RAP1GAP: variants seen among roughly 807,000 people sequenced by gnomAD.
RAP1GAP encodes the protein rap1 GTPase-activating protein 1.
In RAP1GAP, 35 loss-of-function variants were observed where a neutral mutation model predicts 87.2. The ratio of observed to expected loss-of-function variants is 0.40; its 90% CI spans 0.31 to 0.53. RAP1GAP has a LOEUF of 0.53. Among genes scored for constraint, RAP1GAP ranks in the 20% least tolerant of loss-of-function variants. The pLI is 0.48. For missense variants in RAP1GAP, 734 were observed against 898.9 expected (o/e 0.82, Z 2.35); for synonymous variants, 375 against 363.9 (o/e 1.03, Z -0.35).
chr1:21,608,735 G>A, intron 16 of RAP1GAP, 115 bp downstream of exon 16: 1 of 1,017,328 alleles, frequency 9.8e-7, no homozygotes, highest in Non-Finnish European at 1.5e-6. Context: ...CCAGCCCCAG[G>A]TGTCCCCGCT....
At chr1:21,618,595 C>T (rs1300947697) in intron 5 of RAP1GAP, among the ~76,000 whole-genome samples, 1 of 148,810 alleles carries the variant, frequency 6.7e-6, no homozygotes, top group Non-Finnish European at 1.5e-5. Flanking sequence ...CAGACAGCAG[C>T]TTATGGAGCA....
chr1:21,601,363 C>A lies in RAP1GAP; in HGVS notation c.1652+321G>T, dbSNP rs12759638. 2.7e-5 allele frequency among the ~76,000 whole-genome samples: 4 copies of A among 150,024 alleles called. No homozygotes were observed. In the East Asian group the frequency reaches 7.7e-4, roughly 29 times the overall value. On this transcript the variant is annotated intron_variant, in intron 20 of 24. Coordinates refer to ENST00000374765, the MANE Select transcript of RAP1GAP (RefSeq NM_002885.4). ...ACCTCTGCCCCCAGTCCCTCTTCAT[C>A]CCCCCAACCCTGCTTCGGGTTCCTC... is the stretch of plus-strand genomic sequence containing the variant.
At chr1:21,620,181 G>C in intron 3 of RAP1GAP, 131 bp from the exon 4 acceptor site, 1 of 879,144 alleles carries the variant, frequency 1.1e-6, no homozygotes, top group East Asian at 2.6e-5. Flanking sequence ...GTAGCAAGCG[G>C]GAGTGACGGG....
chr1:21,633,627 C>A (rs9426773), intron 2 of RAP1GAP, among the ~76,000 whole-genome samples: 45,621 of 151,464 alleles, frequency 0.3, 7,931 homozygotes, highest in Middle Eastern at 0.4. Flanking sequence ...GCTGGGAGAC[C>A]GGACACGGAA....
At position 21,608,841 on chromosome 1, in the gene RAP1GAP, C is replaced by A; in HGVS notation, c.1158+9G>T. ...AGAGGGTCACCCAGCCCTCACAGCC[C>A]ATCCTCACCTCCAGTTTGGCAAACT... is the stretch of plus-strand genomic sequence containing the variant. On this transcript the variant is annotated intron_variant, in intron 16 of 24. Transcript: ENST00000374765. The A allele has an allele frequency of 6.2e-7, 1 of 1,611,598 alleles. No individual in the cohort carries two copies. The highest frequency in any genetic ancestry group is 1.1e-5 in the South Asian group (1 of 91,004).
At chr1:21,651,660 C>T (rs1009394236) in intron 1 of RAP1GAP, 9 of 1,049,324 alleles carry the variant, frequency 8.6e-6, no homozygotes, top group African/African-American at 3.2e-5. Context: ...TCAGCCCCCA[C>T]AGCAGTCATA....
chr1:21,601,660 G>A, intron 20 of RAP1GAP, 24 bp downstream of exon 20: 1 of 1,551,830 alleles, frequency 6.4e-7, no homozygotes, highest in Non-Finnish European at 8.8e-7. Flanking sequence ...AAGCCCCCAA[G>A]CCCCACGTGC....
In RAP1GAP at chr1:21,613,130, A is replaced by C. The variant is rs2079502213; in HGVS notation, c.528+46T>G. The C allele has an allele frequency of 6.6e-7, 1 of 1,514,050 alleles. No individual in the cohort carries two copies. The highest frequency in any genetic ancestry group is 1.4e-5 in the African/African-American group (1 of 72,612). The allele number at this position is 1,514,050 out of a possible 1,614,324, so 93.8% of individuals were successfully genotyped here. A position where few individuals can be genotyped will look rare whatever the true frequency, so the allele number is the denominator to read the frequency against. ...GTGCTTAATAAATGCTCAGTCTTCC[A>C]GTTACTCACCCACCCTCAGTGAGCT... On this transcript the variant is annotated intron_variant, in intron 10 of 24. Coordinates refer to ENST00000374765, the MANE Select transcript of RAP1GAP (RefSeq NM_002885.4). This position sits in a 1 kb window ranked among gnomAD's most constrained non-coding sequence, Gnocchi z 4.7.
chr1:21,650,876 G>C (rs1287201298), intron 1 of RAP1GAP, among the ~76,000 whole-genome samples: 1 of 143,904 alleles, frequency 6.9e-6, no homozygotes, highest in African/African-American at 2.5e-5. Context: ...GCGTCCACAA[G>C]GGGAAGGCAG....
intron 1 of RAP1GAP, among the ~76,000 whole-genome samples, chr1:21,655,111 C>T (rs1327181469): frequency 1.3e-5 from 2 of 150,330 alleles, no homozygotes; most frequent in African/African-American, 4.9e-5. Flanking sequence ...CTGCATTCCA[C>T]CCTGGGTGAC....
chr1:21,597,778 C>T lies in RAP1GAP; in HGVS notation c.1984-50G>A, dbSNP rs111818068. 364 of 1,605,282 alleles carry T rather than the reference C, an allele frequency of 2.3e-4. 2 individuals carry two copies. The African/African-American group carries it at 3.9e-3, about 17-fold the overall frequency. ...GCAGGTGGCAAGACGGGAGAAGCAA[C>T]GGGGCGGGAGACACAGGTGCACAAA... On this transcript the variant is annotated intron_variant, in intron 23 of 24. Transcript: ENST00000374765.
Position 21,603,034 on chromosome 1 carries a change from CGA to C in RAP1GAP, c.1429-123_1429-122del, listed in dbSNP as rs1280477310. ...AGCAGAGTTGATGAGCAAGAAAGAA[CGA>C]GAGAAGATATCCATTCCCAGAGACA... On this transcript the variant is annotated intron_variant, in intron 18 of 24. Transcript: ENST00000374765. The surrounding 1 kb of genome is among the most constrained non-coding windows in gnomAD (Gnocchi z 6.0). 2 of 680,914 alleles carry C rather than the reference CGA, an allele frequency of 2.9e-6. No homozygotes were observed. The highest frequency in any genetic ancestry group is 1.8e-5 in the African/African-American group (1 of 55,374). 42.2% of individuals were successfully genotyped at this position (680,914 alleles called of 1,614,324 possible).
chr1:21,605,129 G>A (rs1193605152), intron 18 of RAP1GAP, among the ~76,000 whole-genome samples: 2 of 152,128 alleles, frequency 1.3e-5, no homozygotes, highest in Admixed American at 1.3e-4. Context: ...GTGGCCACTA[G>A]GCAGTGGACA....
intron 2 of RAP1GAP, among the ~76,000 whole-genome samples, chr1:21,636,784 G>A (rs1237870741): frequency 6.6e-6 from 1 of 151,466 alleles, no homozygotes; most frequent in Non-Finnish European, 1.5e-5. Context: ...TCCAGCCTGG[G>A]CAACAAGAGC....
chr1:21,664,762 G>A (rs532148390), intron 1 of RAP1GAP, among the ~76,000 whole-genome samples: 1 of 151,896 alleles, frequency 6.6e-6, no homozygotes, highest in East Asian at 1.9e-4. Flanking sequence ...TTTTTTTTCT[G>A]GCTGTAGAGA....
chr1:21,604,751 G>A (rs187028601), intron 18 of RAP1GAP, among the ~76,000 whole-genome samples: 3 of 151,658 alleles, frequency 2.0e-5, no homozygotes, highest in Admixed American at 6.6e-5. Flanking sequence ...CGCAGGGCTT[G>A]GCATGCAGTA....
intron 3 of RAP1GAP, among the ~76,000 whole-genome samples, 189 bp from the exon 4 acceptor site, chr1:21,620,239 G>A (rs1558725640): frequency 6.6e-6 from 1 of 152,162 alleles, no homozygotes; most frequent in African/African-American, 2.4e-5. Context: ...GGGTCTGGCC[G>A]ATTGCCAAGT....
rs1200622834 is a variant in RAP1GAP at position 21,608,290 on chromosome 1, A to T, written c.1219T>A (p.Ser407Thr). 2 of 1,613,880 alleles carry T rather than the reference A, an allele frequency of 1.2e-6. No individual in the cohort carries two copies. The highest frequency in any genetic ancestry group is 2.7e-5 in the African/African-American group (2 of 74,904). The change falls in exon 17 of 25, where the codon TCC becomes ACC. Residue 407 changes from serine to threonine, a missense_variant. This residue lies in a region of RAP1GAP where 485 missense variants were observed against 646.2 expected (regional missense o/e 0.75). Transcript: ENST00000374765. Reference protein sequence around the residue: ...LYEELHIHSQSMMGLGGDEDK... With the variant: ...LYEELHIHSQTMMGLGGDEDK... ...TCGTCGCCGCCCAAGCCCATCATGG[A>T]CTGGCTGTGGATGTGTAGTTCCTCA...
At position 21,603,842 on chromosome 1, in the gene RAP1GAP, A is replaced by G; in HGVS notation, c.1429-929T>C. On this transcript the variant is annotated intron_variant, in intron 18 of 24. Coordinates refer to ENST00000374765, the MANE Select transcript of RAP1GAP (RefSeq NM_002885.4). This position sits in a 1 kb window ranked among gnomAD's most constrained non-coding sequence, Gnocchi z 6.0. ...GGCCCCGCGGACGACAACCTCTTCC[A>G]CGGTTCCTATGCCTATGGCACTGCC... 6.2e-7 allele frequency: 1 copy of G among 1,609,918 alleles called. No individual in the cohort carries two copies.
Sources: gnomAD v4.1 joint callset for allele counts (sites outside exome capture counted in the v4.1 genomes callset) on GRCh38, gnomAD v4.1.1 for gene constraint, gnomAD v4.1.1 regional missense constraint, Gnocchi (gnomAD v3.1) non-coding constraint, MANE v1.5 for transcripts, NCBI Gene and HGNC (gene_info 2026-07-23, HGNC 2026-07-21) for gene names.